The following INTS15 variants were observed in gnomAD, a reference collection of about 807,000 sequenced individuals.
INTS15 encodes the protein integrator complex subunit 15, also known as uncharacterized protein C7orf26.
At chr7:6,591,606 A>G in the INTS15 span, 2 of 1,565,746 alleles carry the variant, frequency 1.3e-6, no homozygotes, top group Non-Finnish European at 1.8e-6. Flanking sequence ...AGTACGTTAC[A>G]GCCACATTTC....
At chr7:6,607,357 C>T in the INTS15 span, among the ~76,000 whole-genome samples, 2 of 146,454 alleles carry the variant, frequency 1.4e-5, no homozygotes, top group South Asian at 4.3e-4. The surrounding 1 kb of genome is among the most constrained non-coding windows in gnomAD (Gnocchi z 6.0). Flanking sequence ...GTGCTTGCAG[C>T]TGTTCTCGGA....
chr7:6,604,470 A>G, the INTS15 span, among the ~76,000 whole-genome samples: 9 of 152,232 alleles, frequency 5.9e-5, no homozygotes, highest in East Asian at 1.5e-3. Context: ...AGAAATGACA[A>G]AGTGAGCTTG....
At chr7:6,593,007 G>A in the INTS15 span, among the ~76,000 whole-genome samples, 1 of 152,284 alleles carries the variant, frequency 6.6e-6, no homozygotes, top group East Asian at 1.9e-4. Flanking sequence ...TCTTCAATGT[G>A]ATAGCAGCTG....
chr7:6,592,426 G>A, the INTS15 span, among the ~76,000 whole-genome samples: 1 of 151,682 alleles, frequency 6.6e-6, no homozygotes, highest in Non-Finnish European at 1.5e-5. Flanking sequence ...AATTAGCCAG[G>A]CGTGGTAGCA....
At chr7:6,591,773 A>G in the INTS15 span, 2 of 1,614,114 alleles carry the variant, frequency 1.2e-6, no homozygotes, top group Non-Finnish European at 1.7e-6. Flanking sequence ...AACAAAGCCG[A>G]TGACAGCCGG....
At chr7:6,607,621 C>T in the INTS15 span, 1 of 1,439,150 alleles carries the variant, frequency 6.9e-7, no homozygotes, top group South Asian at 1.2e-5. The surrounding 1 kb of genome is among the most constrained non-coding windows in gnomAD (Gnocchi z 6.0). Flanking sequence ...ATTCTCGGCT[C>T]TGAGGAGACT....
At chr7:6,599,239 T>C in the INTS15 span, among the ~76,000 whole-genome samples, 1 of 152,172 alleles carries the variant, frequency 6.6e-6, no homozygotes, top group African/African-American at 2.4e-5. Context: ...AAGCCCAGAC[T>C]AAGTGTCACC....
chr7:6,603,714 C>T, the INTS15 span, among the ~76,000 whole-genome samples: 3 of 152,146 alleles, frequency 2.0e-5, no homozygotes, highest in Non-Finnish European at 4.4e-5. Flanking sequence ...TGGCGGGTGC[C>T]TGTAATCCCA....
the INTS15 span, among the ~76,000 whole-genome samples, chr7:6,597,931 T>G: frequency 6.6e-6 from 1 of 152,154 alleles, no homozygotes; most frequent in Admixed American, 6.5e-5. Context: ...ATATCCCCCC[T>G]TTCCTGGATG....
At chr7:6,595,006 G>A in the INTS15 span, among the ~76,000 whole-genome samples, 43 of 152,078 alleles carry the variant, frequency 2.8e-4, no homozygotes, top group South Asian at 1.0e-3. Flanking sequence ...AGGATTATAG[G>A]TGTGCACCAC....
the INTS15 span, among the ~76,000 whole-genome samples, chr7:6,597,369 A>T: frequency 6.7e-5 from 10 of 149,742 alleles, no homozygotes; most frequent in African/African-American, 2.5e-4. Context: ...ATCTCGGTTC[A>T]TTGCAACCTC....
At chr7:6,590,046 C>T in the INTS15 span, 1 of 241,614 alleles carries the variant, frequency 4.1e-6, no homozygotes, top group Non-Finnish European at 7.8e-6. Flanking sequence ...GGCTGCGCGG[C>T]GGCAGCTCCC....
chr7:6,596,306 G>A, the INTS15 span, among the ~76,000 whole-genome samples: 171 of 149,940 alleles, frequency 1.1e-3, no homozygotes, highest in African/African-American at 4.1e-3. Flanking sequence ...CACCCATCTC[G>A]GCCTCCCAAA....
chr7:6,605,093 A>G, the INTS15 span, among the ~76,000 whole-genome samples: 1 of 152,036 alleles, frequency 6.6e-6, no homozygotes, highest in African/African-American at 2.4e-5. Flanking sequence ...CCTGGATTCA[A>G]GCGATTCTCC....
chr7:6,600,245 G>T, the INTS15 span: 1 of 1,614,216 alleles, frequency 6.2e-7, no homozygotes, highest in East Asian at 2.2e-5. Flanking sequence ...CAACAGGTTG[G>T]CGGATGAACT....
the INTS15 span, among the ~76,000 whole-genome samples, chr7:6,593,898 G>C: frequency 7.9e-5 from 12 of 151,642 alleles, no homozygotes; most frequent in African/African-American, 2.9e-4. Flanking sequence ...TGATCCTCCC[G>C]CCTCGGCCTC....
the INTS15 span, among the ~76,000 whole-genome samples, chr7:6,600,640 TTTTTA>T: frequency 1.3e-5 from 2 of 152,070 alleles, no homozygotes; most frequent in Non-Finnish European, 1.5e-5. Context: ...CCCTTTTTCT[TTTTTA>T]TTTTATCTTA....
At chr7:6,596,106 C>T in the INTS15 span, among the ~76,000 whole-genome samples, 1 of 151,504 alleles carries the variant, frequency 6.6e-6, no homozygotes, top group Non-Finnish European at 1.5e-5. Context: ...GGCTAGAATG[C>T]AGTGGCATGA....
At chr7:6,590,487 G>A in the INTS15 span, 1 of 1,562,564 alleles carries the variant, frequency 6.4e-7, no homozygotes, top group South Asian at 1.2e-5. Context: ...TGCGGCCTGA[G>A]ACGGTCGGGT....
Sources: allele counts gnomAD v4.1 joint callset (sites outside exome capture counted in the v4.1 genomes callset), GRCh38; gene constraint gnomAD v4.1.1; non-coding constraint Gnocchi (gnomAD v3.1); transcripts MANE v1.5; gene names NCBI Gene and HGNC (gene_info 2026-07-23, HGNC 2026-07-21).